The following DNM3 variants were observed in gnomAD, a reference collection of about 807,000 sequenced individuals.
DNM3 encodes the protein dynamin 3, also known as dynamin-3.
A neutral mutation model predicts 101.6 loss-of-function variants in DNM3; 47 were observed. The observed-to-expected ratio is 0.46, with a 90% CI of 0.37 to 0.59. The LOEUF (loss-of-function observed/expected upper bound fraction) is 0.59. DNM3 is among the 20% of genes least tolerant of loss of function. The pLI, the probability that DNM3 is intolerant of heterozygous loss-of-function variation, is 0.00. For missense variants in DNM3, 849 were observed against 1,085.7 expected, an observed-to-expected ratio of 0.78 and a Z score of 3.06; for synonymous variants, 385 against 387.9, an observed-to-expected ratio of 0.99 and a Z score of 0.09.
chr1:172,121,383 A>G (rs1053083418), intron 13 of DNM3, among the ~76,000 whole-genome samples: 5 of 152,364 alleles, frequency 3.3e-5, no homozygotes, highest in Admixed American at 6.5e-5. Flanking sequence ...AAATTCTGGG[A>G]AGCAATAAGA....
intron 2 of DNM3, among the ~76,000 whole-genome samples, chr1:171,939,249 A>G (rs1051100873): frequency 6.6e-6 from 1 of 152,226 alleles, no homozygotes; most frequent in African/African-American, 2.4e-5. Flanking sequence ...TTTTAACACC[A>G]CATACATTTC....
At chr1:172,039,491 A>G (rs557029207) in intron 7 of DNM3, among the ~76,000 whole-genome samples, 2 of 151,956 alleles carry the variant, frequency 1.3e-5, no homozygotes, top group Admixed American at 1.3e-4. Flanking sequence ...CTCTTTCCTA[A>G]TTTATTCTTT....
At chr1:172,154,866 G>A (rs766698866) in intron 14 of DNM3, among the ~76,000 whole-genome samples, 1 of 151,994 alleles carries the variant, frequency 6.6e-6, no homozygotes, top group Non-Finnish European at 1.5e-5. Context: ...AATGAGAAGA[G>A]GGAAGGAAGC....
chr1:172,085,851 T>C (rs1043620402), intron 12 of DNM3, among the ~76,000 whole-genome samples: 1 of 152,190 alleles, frequency 6.6e-6, no homozygotes, highest in Non-Finnish European at 1.5e-5. Flanking sequence ...TTATATTCTA[T>C]TGTAATAATG....
At chr1:172,023,141 T>C (rs1160849776) in intron 4 of DNM3, among the ~76,000 whole-genome samples, 7 of 152,150 alleles carry the variant, frequency 4.6e-5, no homozygotes, top group Non-Finnish European at 2.9e-5. Flanking sequence ...GTTTATTTTC[T>C]TGGTAGAGGA....
chr1:172,396,553 T>G (rs185610901), intron 20 of DNM3, among the ~76,000 whole-genome samples: 1 of 152,324 alleles, frequency 6.6e-6, no homozygotes, highest in Admixed American at 6.5e-5. Context: ...TAGCCACAAC[T>G]AAATACACCA....
rs61807783 is a variant in DNM3 at position 172,126,893 on chromosome 1, C to A, written c.1546-4282C>A. Reference sequence around the variant, plus strand: ...GTTACACTTCTGTACTTAGGTCACCCGGATTCAGAAACTCAGAACCCTGGA... The same window carrying A: ...GTTACACTTCTGTACTTAGGTCACCAGGATTCAGAAACTCAGAACCCTGGA... On this transcript the variant is annotated intron_variant, in intron 13 of 20. Coordinates refer to ENST00000627582, the MANE Select transcript of DNM3 (RefSeq NM_015569.5). 9.9e-3 allele frequency among the ~76,000 whole-genome samples: 1,504 copies of A among 152,152 alleles called. 15 individuals carry two copies. Among genetic ancestry groups the A allele is most frequent in the Non-Finnish European group, 0.017 (1,143 of 68,006 alleles).
intron 4 of DNM3, among the ~76,000 whole-genome samples, chr1:172,025,315 G>T (rs2048125660): frequency 6.6e-6 from 1 of 152,194 alleles, no homozygotes; most frequent in African/African-American, 2.4e-5. Context: ...GGGCCTTATA[G>T]ATAAAACTCC....
At chr1:172,101,644 T>C (rs1359197828) in intron 13 of DNM3, among the ~76,000 whole-genome samples, 1 of 152,168 alleles carries the variant, frequency 6.6e-6, no homozygotes, top group African/African-American at 2.4e-5. Context: ...GTTTTACAGA[T>C]GGGAAAACTG....
chr1:172,258,995 T>C (rs2148706029), intron 15 of DNM3, among the ~76,000 whole-genome samples: 1 of 152,232 alleles, frequency 6.6e-6, no homozygotes, highest in East Asian at 1.9e-4. Context: ...CCTTAATTTT[T>C]CTCTTGACTC....
At chr1:172,188,464 A>G (rs2059596267) in intron 14 of DNM3, among the ~76,000 whole-genome samples, 1 of 152,094 alleles carries the variant, frequency 6.6e-6, no homozygotes, top group South Asian at 2.1e-4. Flanking sequence ...ACTAGACCAC[A>G]GGGTGGAGAT....
intron 2 of DNM3, among the ~76,000 whole-genome samples, chr1:171,947,502 A>G (rs1040854675): frequency 2.6e-5 from 4 of 152,166 alleles, no homozygotes; most frequent in African/African-American, 9.7e-5. Flanking sequence ...GCCTGAAAAA[A>G]TCAGTATTTC....
At chr1:172,418,105 C>A (rs2071495172) in intron 20 of DNM3, among the ~76,000 whole-genome samples, 1 of 152,010 alleles carries the variant, frequency 6.6e-6, no homozygotes, top group African/African-American at 2.4e-5. Context: ...TATGTGATGT[C>A]CCTTCATTTC....
At chr1:172,289,857 TAAC>T in intron 15 of DNM3, 1 of 979,872 alleles carries the variant, frequency 1.0e-6, no homozygotes, top group Non-Finnish European at 1.2e-6. Flanking sequence ...CTTTCCTATT[TAAC>T]TTTTATCATA....
At chr1:172,006,794 T>C (rs2046724272) in intron 4 of DNM3, among the ~76,000 whole-genome samples, 1 of 152,076 alleles carries the variant, frequency 6.6e-6, no homozygotes, top group African/African-American at 2.4e-5. Context: ...CTTGTGTCAC[T>C]TGCCAGTCAG....
chr1:172,084,838 T>C (rs2053418870), intron 12 of DNM3, among the ~76,000 whole-genome samples: 1 of 152,176 alleles, frequency 6.6e-6, no homozygotes, highest in Admixed American at 6.5e-5. Flanking sequence ...AGGATGGTGA[T>C]GTACATAGTA....
chr1:172,061,693 T>A (rs2051227331), intron 10 of DNM3, among the ~76,000 whole-genome samples: 1 of 104,422 alleles, frequency 9.6e-6, no homozygotes, highest in African/African-American at 3.7e-5. Flanking sequence ...CCCTGGGGAC[T>A]GTGGTGGGGT....
intron 2 of DNM3, among the ~76,000 whole-genome samples, chr1:171,959,267 T>A (rs192131177): frequency 2.7e-4 from 41 of 152,098 alleles, no homozygotes; most frequent in African/African-American, 9.6e-4. Context: ...TTATTTTTCA[T>A]TATATATATA....
intron 4 of DNM3, among the ~76,000 whole-genome samples, chr1:172,010,789 A>G (rs1436596040): frequency 7.0e-6 from 1 of 142,018 alleles, no homozygotes; most frequent in Non-Finnish European, 1.5e-5. Context: ...TTTTCTTTTC[A>G]TTCCTTTTAT....
Sources: allele counts gnomAD v4.1 joint callset (sites outside exome capture counted in the v4.1 genomes callset), GRCh38; gene constraint gnomAD v4.1.1; transcripts MANE v1.5; gene names NCBI Gene and HGNC (gene_info 2026-07-23, HGNC 2026-07-21).